Variants in HS3ST4 observed in about 807,000 individuals in gnomAD.
HS3ST4 encodes heparan sulfate glucosamine 3-O-sulfotransferase 4.
HS3ST4 carries 17 observed loss-of-function variants against 29.2 expected under a neutral mutation model. That is an observed-to-expected ratio of 0.58 (90% CI 0.40 to 0.87). The LOEUF is 0.87. Ranked by LOEUF, HS3ST4 falls within the 40% of genes least tolerant of loss-of-function variation. The pLI is 0.00. For missense variants in HS3ST4, 627 were observed against 634.5 expected, an observed-to-expected ratio of 0.99 and a Z score of 0.13; for synonymous variants, 314 against 285.7, an observed-to-expected ratio of 1.10 and a Z score of -1.00.
intron 1 of HS3ST4, among the ~76,000 whole-genome samples, chr16:25,916,523 C>A (rs893667199): frequency 7.9e-5 from 12 of 151,726 alleles, no homozygotes; most frequent in Non-Finnish European, 1.6e-4. Flanking sequence ...CCAACACGCC[C>A]GGCTACTTTT....
chr16:25,863,572 C>T lies in HS3ST4; in HGVS notation c.734+170421C>T, dbSNP rs183806017. On this transcript the variant is annotated intron_variant, in intron 1 of 1. Transcript: ENST00000331351. ...GGTATTCTACGTAATCCTCTAAAAG[C>T]CTTATAGTTTTGACTAATTAAATTA... 7.9e-5 allele frequency among the ~76,000 whole-genome samples: 12 copies of T among 152,240 alleles called. No homozygotes were observed. The East Asian group carries it at 1.3e-3, about 17-fold the overall frequency.
intron 1 of HS3ST4, among the ~76,000 whole-genome samples, chr16:26,041,011 C>T (rs1404178671): frequency 6.6e-6 from 1 of 152,170 alleles, no homozygotes; most frequent in Non-Finnish European, 1.5e-5. Context: ...TTCTCCTTCA[C>T]AGCTATGGTC....
At chr16:25,870,557 A>G (rs1967740293) in intron 1 of HS3ST4, among the ~76,000 whole-genome samples, 1 of 152,170 alleles carries the variant, frequency 6.6e-6, no homozygotes, top group Non-Finnish European at 1.5e-5. Flanking sequence ...AAAAGTAGCT[A>G]ATGTAGACAT....
intron 1 of HS3ST4, among the ~76,000 whole-genome samples, chr16:25,732,845 G>C (rs1000293808): frequency 1.3e-5 from 2 of 152,126 alleles, no homozygotes; most frequent in Non-Finnish European, 2.9e-5. Flanking sequence ...CCAATCGGTC[G>C]CAATAGTTCC....
chr16:26,135,879 G>A lies in HS3ST4; in HGVS notation c.1002G>A (p.Gly334=), dbSNP rs1898277066. 6.8e-6 allele frequency: 11 copies of A among 1,613,960 alleles called. 1 individual carries two copies. The Middle Eastern group carries it at 4.9e-4, about 73-fold the overall frequency. ...CTTCCTGGAGTGCCATTCGAATAGG[G>A]ATCTATGCGCTGCATCTGGAAAACT... is the stretch of plus-strand genomic sequence containing the variant. The part of the protein sequence containing the change: ...IDASWSAIRI[G]IYALHLENWL... Residue 334 remains glycine, a synonymous_variant, in exon 2 of 2, where the codon GGG becomes GGA. Coordinates refer to ENST00000331351, the MANE Select transcript of HS3ST4 (RefSeq NM_006040.3).
intron 1 of HS3ST4, among the ~76,000 whole-genome samples, chr16:25,810,761 G>GGAGT (rs1372741681): frequency 1.3e-5 from 2 of 152,174 alleles, no homozygotes; most frequent in Non-Finnish European, 2.9e-5. Flanking sequence ...ATGAAAGATA[G>GGAGT]GAGTGATTTC....
chr16:26,089,473 C>T (rs1214982080), intron 1 of HS3ST4, among the ~76,000 whole-genome samples: 1 of 152,174 alleles, frequency 6.6e-6, no homozygotes, highest in African/African-American at 2.4e-5. Flanking sequence ...AATCAGACAA[C>T]AGGACAAGTG....
chr16:26,031,543 T>C (rs1444791759), intron 1 of HS3ST4, among the ~76,000 whole-genome samples: 1 of 152,104 alleles, frequency 6.6e-6, no homozygotes, highest in East Asian at 1.9e-4. Flanking sequence ...ATCGTTGCAC[T>C]TATTTTGACT....
At chr16:25,700,545 C>G (rs1966327796) in intron 1 of HS3ST4, among the ~76,000 whole-genome samples, 1 of 152,152 alleles carries the variant, frequency 6.6e-6, no homozygotes, top group Admixed American at 6.5e-5. Context: ...CAGGCATTTT[C>G]ACTTTTAAAT....
intron 1 of HS3ST4, among the ~76,000 whole-genome samples, chr16:26,105,615 A>C (rs1245755156): frequency 3.9e-5 from 6 of 152,224 alleles, no homozygotes; most frequent in Non-Finnish European, 8.8e-5. Context: ...AGTTCTTAAA[A>C]TGACCTGCAG....
chr16:25,762,876 C>CAAAAAA (rs67260535), intron 1 of HS3ST4, among the ~76,000 whole-genome samples: 12 of 60,454 alleles, frequency 2.0e-4, no homozygotes, highest in South Asian at 1.2e-3. Context: ...GACCCTGTCT[C>CAAAAAA]AAAAAAAAAA....
chr16:25,861,470 A>G (rs191620076), intron 1 of HS3ST4, among the ~76,000 whole-genome samples: 1 of 152,328 alleles, frequency 6.6e-6, no homozygotes, highest in Non-Finnish European at 1.5e-5. Context: ...TAACTGTAAT[A>G]TTTTATGACT....
intron 1 of HS3ST4, among the ~76,000 whole-genome samples, chr16:25,955,522 T>G (rs1023154464): frequency 7.9e-5 from 12 of 152,178 alleles, no homozygotes; most frequent in Non-Finnish European, 1.3e-4. Context: ...AGTAGGAACC[T>G]TTATGATAGT....
chr16:25,774,378 G>C (rs568696117), intron 1 of HS3ST4, among the ~76,000 whole-genome samples: 1 of 152,330 alleles, frequency 6.6e-6, no homozygotes, highest in South Asian at 2.1e-4. Context: ...GTAAAACCAA[G>C]GTTCAGAAGA....
At chr16:25,967,054 C>G (rs1003389071) in intron 1 of HS3ST4, among the ~76,000 whole-genome samples, 5 of 152,228 alleles carry the variant, frequency 3.3e-5, no homozygotes, top group Non-Finnish European at 7.3e-5. Flanking sequence ...AGGATGGGAT[C>G]CAGCCCTCTG....
At chr16:26,097,553 C>A (rs1467369905) in intron 1 of HS3ST4, among the ~76,000 whole-genome samples, 2 of 152,154 alleles carry the variant, frequency 1.3e-5, no homozygotes, top group Non-Finnish European at 2.9e-5. Flanking sequence ...AAACTGGATC[C>A]CTTCCTTACA....
intron 1 of HS3ST4, among the ~76,000 whole-genome samples, chr16:25,713,951 G>T (rs1425104577): frequency 6.6e-6 from 1 of 152,064 alleles, no homozygotes; most frequent in Non-Finnish European, 1.5e-5. Flanking sequence ...GGACTCCGTG[G>T]CATCCCCACC....
chr16:25,860,392 C>T (rs1180822679), intron 1 of HS3ST4, among the ~76,000 whole-genome samples: 2 of 152,186 alleles, frequency 1.3e-5, no homozygotes, highest in African/African-American at 4.8e-5. Flanking sequence ...TATGTCCACA[C>T]AAAAACCTGC....
At chr16:26,017,113 T>C (rs571333113) in intron 1 of HS3ST4, among the ~76,000 whole-genome samples, 1 of 152,234 alleles carries the variant, frequency 6.6e-6, no homozygotes, top group Non-Finnish European at 1.5e-5. Context: ...ATTCAGCAAC[T>C]GACACTTACG....
Sources: gnomAD v4.1 joint callset for allele counts (sites outside exome capture counted in the v4.1 genomes callset) on GRCh38, gnomAD v4.1.1 for gene constraint, MANE v1.5 for transcripts, NCBI Gene and HGNC (gene_info 2026-07-23, HGNC 2026-07-21) for gene names.